The following TASOR2 variants were observed in gnomAD, a reference collection of about 807,000 sequenced individuals.
TASOR2 encodes protein TASOR 2.
A neutral mutation model predicts 199.5 loss-of-function variants in TASOR2; 84 were observed. That is an observed-to-expected ratio of 0.42 (90% CI 0.35 to 0.50). The LOEUF is 0.50. Ranked by LOEUF, TASOR2 falls within the 20% of genes least tolerant of loss-of-function variation. The pLI is 0.02. For missense variants in TASOR2, 2,796 were observed against 2,835.9 expected, an observed-to-expected ratio of 0.99 and a Z score of 0.32; for synonymous variants, 1,103 against 1,046.6, an observed-to-expected ratio of 1.05 and a Z score of -1.04.
intron 2 of TASOR2, among the ~76,000 whole-genome samples, chr10:5,716,978 T>C (rs1201749146): frequency 6.7e-6 from 1 of 149,032 alleles, no homozygotes; most frequent in Non-Finnish European, 1.5e-5. Flanking sequence ...TAATTTTTTT[T>C]CTGGAGAATC....
At position 5,754,766 on chromosome 10, in the gene TASOR2, G is replaced by A. The variant is rs140867852; in HGVS notation, c.6607-1847G>A. ...GTCAACTGAGAAAGTGGACACGGCCGGGCGCGGTGGCTCACGCCTGTAATC... is the reference window on the plus strand; with the variant it reads ...GTCAACTGAGAAAGTGGACACGGCCAGGCGCGGTGGCTCACGCCTGTAATC... On this transcript the variant is annotated intron_variant, in intron 15 of 20. Transcript: ENST00000328090. The surrounding 1 kb of genome is among the most constrained non-coding windows in gnomAD (Gnocchi z 4.3). 1.4e-4 allele frequency among the ~76,000 whole-genome samples: 22 copies of A among 152,180 alleles called. No homozygotes were observed. The East Asian group carries it at 3.9e-3, about 27-fold the overall frequency.
At chr10:5,739,897 T>G (rs759795235) in exon 13 of TASOR2, 1 of 1,614,210 alleles carries the variant, frequency 6.2e-7, no homozygotes, top group East Asian at 2.2e-5. Context: ...GAAAATTCTT[T>G]GCGAGGTACA....
intron 6 of TASOR2, among the ~76,000 whole-genome samples, 195 bp downstream of exon 7, chr10:5,721,165 G>GA (rs1214492721): frequency 6.6e-6 from 1 of 152,078 alleles, no homozygotes; most frequent in Non-Finnish European, 1.5e-5. Flanking sequence ...TTATTAATGG[G>GA]AAAATGACCT....
exon 15 of TASOR2, chr10:5,746,794 T>C: frequency 6.2e-7 from 1 of 1,614,172 alleles, no homozygotes; most frequent in Non-Finnish European, 8.5e-7. Flanking sequence ...TAAGTACCTT[T>C]GTGCCTCGTC....
rs1837466489 is a variant in TASOR2 at position 5,698,914 on chromosome 10, C to G, written c.-288+13739C>G. ...TAAAATGGTGCAGCCACTTTGAAATCAGCCTGGCAGTTTCTCAGATGAGCA... is the reference window on the plus strand; with the variant it reads ...TAAAATGGTGCAGCCACTTTGAAATGAGCCTGGCAGTTTCTCAGATGAGCA... On this transcript the variant is annotated intron_variant, in intron 1 of 20. Coordinates refer to ENST00000328090, the Ensembl canonical transcript of TASOR2. The surrounding 1 kb of genome is among the most constrained non-coding windows in gnomAD (Gnocchi z 4.4). Among the ~76,000 whole-genome samples the G allele has an allele frequency of 6.6e-6, 1 of 152,168 alleles. No individual in the cohort carries two copies. Among genetic ancestry groups the G allele is most frequent in the African/African-American group, 2.4e-5 (1 of 41,452 alleles).
At chr10:5,747,382 G>A (rs775809019) in exon 15 of TASOR2, 8 of 1,614,136 alleles carry the variant, frequency 5.0e-6, no homozygotes. Flanking sequence ...GGATGTAGCT[G>A]AGGAAATAGG....
intron 3 of TASOR2, among the ~76,000 whole-genome samples, chr10:5,718,346 A>G (rs1282272052): frequency 4.1e-5 from 6 of 147,362 alleles, no homozygotes; most frequent in African/African-American, 1.2e-4. Flanking sequence ...CTTTGTTACT[A>G]TCTTAAATTC....
chr10:5,708,138 A>G (rs1303779681), intron 1 of TASOR2, among the ~76,000 whole-genome samples: 1 of 152,206 alleles, frequency 6.6e-6, no homozygotes, highest in East Asian at 1.9e-4. Context: ...CCACAGACTC[A>G]TGATAAAAAC....
At chr10:5,731,298 G>C (rs1834780584) in intron 11 of TASOR2, 95 bp downstream of exon 12, 1 of 1,181,124 alleles carries the variant, frequency 8.5e-7, no homozygotes, top group African/African-American at 1.5e-5. Flanking sequence ...GGGAAACCAA[G>C]TGGGTGGATC....
Position 5,746,704 on chromosome 10 carries a change from C to T in TASOR2, c.3283C>T (p.Pro1095Ser), listed in dbSNP as rs755576718. The T allele has an allele frequency of 5.0e-5, 80 of 1,614,138 alleles. No individual in the cohort carries two copies. In the Admixed American group the frequency reaches 1.0e-3, roughly 21 times the overall value. ...ATCACCTGCTGCAAGCCTTAGACAT[C>T]CTGTATCCACCTCGGAAAATGCACG... The change falls in exon 15 of 21, where the codon CCT (proline) becomes TCT (serine). Residue 1095 changes from proline (P) to serine (S), a missense_variant. This residue lies in a region of TASOR2 where 1,941 missense variants were observed against 1,924.9 expected (regional missense o/e 1.01). Transcript: ENST00000328090.
rs1160604731 is a variant in TASOR2 at position 5,748,040 on chromosome 10, C to G, written c.4619C>G (p.Pro1540Arg). The G allele has an allele frequency of 6.2e-7, 1 of 1,614,124 alleles. No individual in the cohort carries two copies. The highest frequency in any genetic ancestry group is 1.1e-5 in the South Asian group (1 of 91,086). ...GCCAAATGCACAGGTGACTTCAGTCCTTCTCCTGAAAAACTGGTAAAATCA... is the reference window on the plus strand; with the variant it reads ...GCCAAATGCACAGGTGACTTCAGTCGTTCTCCTGAAAAACTGGTAAAATCA... The change falls in exon 15 of 21, where the codon CCT becomes CGT. Residue 1540 changes from proline (P) to arginine (R), a missense_variant. Pro to Arg is a moderately radical substitution (Grantham distance 103, BLOSUM62 -2). Transcript: ENST00000328090. The surrounding 1 kb of genome is among the most constrained non-coding windows in gnomAD (Gnocchi z 5.1).
Position 5,720,468 on chromosome 10 carries a change from G to A in TASOR2, c.-99-76G>A, listed in dbSNP as rs572214846. On this transcript the variant is annotated intron_variant, in intron 3 of 20. Transcript: ENST00000328090. This position sits in a 1 kb window ranked among gnomAD's most constrained non-coding sequence, Gnocchi z 5.3. ...TCTAATGTGTTAAATTTCAGGGCTC[G>A]GTGGGGTTGAGAAAAACTTGGTACA... 19 of 1,431,850 alleles carry A rather than the reference G, an allele frequency of 1.3e-5. No individual in the cohort carries two copies. The highest frequency in any genetic ancestry group is 1.3e-4 in the South Asian group (8 of 63,758). 88.7% of individuals were successfully genotyped at this position (1,431,850 alleles called of 1,614,324 possible). A position where few individuals can be genotyped will look rare whatever the true frequency, so the allele number is the denominator to read the frequency against.
At chr10:5,723,648 C>G in intron 6 of TASOR2, 29 bp from the exon 8 acceptor site, 1 of 1,342,048 alleles carries the variant, frequency 7.5e-7, no homozygotes, top group Non-Finnish European at 1.0e-6. Flanking sequence ...GTTTATTATT[C>G]TGCTTGATAC....
rs1356520369 is a variant in TASOR2, at chr10:5,719,161, T to C, written c.-99-1383T>C. Among the ~76,000 whole-genome samples, 2 of 151,598 alleles carry C rather than the reference T, an allele frequency of 1.3e-5. No homozygotes were observed. Among genetic ancestry groups the C allele is most frequent in the East Asian group, 4.0e-4 (2 of 5,058 alleles). On this transcript the variant is annotated intron_variant, in intron 3 of 20. Transcript: ENST00000328090. The surrounding 1 kb of genome is among the most constrained non-coding windows in gnomAD (Gnocchi z 4.1). The stretch of plus-strand genomic sequence containing the variant: ...AAACAACAACAAAACATCTTCTTTT[T>C]TAAAAAGTAACTATATTCTTCTTAT...
At chr10:5,688,022 C>T (rs193214785) in intron 1 of TASOR2, among the ~76,000 whole-genome samples, 15 of 152,198 alleles carry the variant, frequency 9.9e-5, no homozygotes, top group African/African-American at 3.4e-4. Context: ...TTTGCAAATA[C>T]GCTGAAGGTC....
chr10:5,751,612 C>A lies in TASOR2; in HGVS notation c.6606+1585C>A, dbSNP rs753911595. ...GGCACTTCTTTACTTTGGGGTGTAA[C>A]ATAATGTTCCAGGCTTATCGTGTAT... On this transcript the variant is annotated intron_variant, in intron 15 of 20. Transcript: ENST00000328090. The surrounding 1 kb of genome is among the most constrained non-coding windows in gnomAD (Gnocchi z 5.3). Among the ~76,000 whole-genome samples the A allele has an allele frequency of 2.5e-4, 38 of 152,162 alleles. No individual in the cohort carries two copies. The highest frequency in any genetic ancestry group is 1.7e-3 in the Admixed American group (26 of 15,276).
intron 1 of TASOR2, among the ~76,000 whole-genome samples, chr10:5,696,392 T>G: frequency 6.6e-6 from 1 of 152,350 alleles, no homozygotes; most frequent in East Asian, 1.9e-4. Context: ...GGCCTCACTC[T>G]GTCACCCAGA....
chr10:5,741,162 G>C (rs190674808), intron 13 of TASOR2, among the ~76,000 whole-genome samples: 81 of 152,320 alleles, frequency 5.3e-4, no homozygotes, highest in Non-Finnish European at 8.4e-4. Flanking sequence ...CTTGGGAGAG[G>C]CCTGACATTC....
chr10:5,762,509 T>A (rs1332176013), intron 19 of TASOR2, 23 bp from the exon 21 acceptor site: 1 of 430,462 alleles, frequency 2.3e-6, no homozygotes, highest in Non-Finnish European at 3.3e-6. Context: ...TAACCAAAAG[T>A]TGTTTTTTTT....
Sources: allele counts gnomAD v4.1 joint callset (sites outside exome capture counted in the v4.1 genomes callset), GRCh38; gene constraint gnomAD v4.1.1; regional missense constraint gnomAD v4.1.1; non-coding constraint Gnocchi (gnomAD v3.1); transcripts MANE v1.5; gene names NCBI Gene and HGNC (gene_info 2026-07-23, HGNC 2026-07-21).